The following CUX2 variants were observed in gnomAD, a reference collection of about 807,000 sequenced individuals.
The protein encoded by CUX2 is cut like homeobox 2.
CUX2 carries 40 observed loss-of-function variants against 144.8 expected under a neutral mutation model. The ratio of observed to expected loss-of-function variants is 0.28; its 90% confidence interval spans 0.21 to 0.36. The LOEUF is 0.36. Among genes scored for constraint, CUX2 ranks in the 10% least tolerant of loss-of-function variants. The pLI, the probability that CUX2 is intolerant of heterozygous loss-of-function variation, is 1.00. For synonymous variants in CUX2, 827 were observed against 875.6 expected, an observed-to-expected ratio of 0.94 and a Z score of 0.98; for missense variants, 1,615 against 1,994.0, an observed-to-expected ratio of 0.81 and a Z score of 3.62.
intron 3 of CUX2, among the ~76,000 whole-genome samples, chr12:111,261,538 A>G (rs1316005247): frequency 6.6e-6 from 1 of 152,098 alleles, no homozygotes; most frequent in African/African-American, 2.4e-5. Flanking sequence ...CCTACTGGCC[A>G]TAGCTGTGTC....
At chr12:111,187,015 G>A (rs1259352298) in intron 1 of CUX2, among the ~76,000 whole-genome samples, 1 of 152,184 alleles carries the variant, frequency 6.6e-6, no homozygotes, top group Admixed American at 6.5e-5. Context: ...CTGACCTCAA[G>A]TGATCCACCC....
chr12:111,122,456 G>A (rs1317365363), intron 1 of CUX2, among the ~76,000 whole-genome samples: 2 of 152,190 alleles, frequency 1.3e-5, no homozygotes, highest in African/African-American at 2.4e-5. Context: ...AACGGGACGG[G>A]GGAGGGGAAG....
intron 1 of CUX2, among the ~76,000 whole-genome samples, chr12:111,170,582 G>C (rs146344257): frequency 0.016 from 1,834 of 113,544 alleles, 44 homozygotes; most frequent in African/African-American, 0.06. Context: ...GAGACGGTGT[G>C]TCACTCTGTC....
intron 1 of CUX2, among the ~76,000 whole-genome samples, chr12:111,166,078 G>C (rs986413483): frequency 6.6e-6 from 1 of 152,174 alleles, no homozygotes; most frequent in Non-Finnish European, 1.5e-5. Context: ...GGGTGCAGTG[G>C]TGTGATCACG....
intron 3 of CUX2, among the ~76,000 whole-genome samples, chr12:111,235,740 G>A (rs1882707615): frequency 6.6e-6 from 1 of 152,062 alleles, no homozygotes; most frequent in Non-Finnish European, 1.5e-5. Context: ...AAAGAATGAG[G>A]TGAGCACTAA....
intron 4 of CUX2, among the ~76,000 whole-genome samples, chr12:111,273,067 A>G (rs1393709571): frequency 2.6e-5 from 4 of 152,156 alleles, no homozygotes; most frequent in Non-Finnish European, 5.9e-5. Context: ...GCTCAAGTCC[A>G]GGCCTGCCCT....
chr12:111,225,155 C>A (rs755152037), intron 3 of CUX2, among the ~76,000 whole-genome samples: 16 of 152,184 alleles, frequency 1.1e-4, no homozygotes, highest in Non-Finnish European at 2.9e-5. Context: ...ATAGTACCCA[C>A]TTCATAGGAG....
chr12:111,075,225 A>C (rs1871465274), intron 1 of CUX2, among the ~76,000 whole-genome samples: 1 of 152,182 alleles, frequency 6.6e-6, no homozygotes, highest in Non-Finnish European at 1.5e-5. Context: ...GACCGCAGCC[A>C]ACTAGGCGGG....
At position 111,295,690 on chromosome 12, in the gene CUX2, G is replaced by A. The variant is rs1885940906; in HGVS notation, c.637+281G>A. On this transcript the variant is annotated intron_variant, in intron 7 of 21. Transcript: ENST00000261726. This position sits in a 1 kb window ranked among gnomAD's most constrained non-coding sequence, Gnocchi z 5.0. ...CCTGGCACTTTGGGAGGCTGAAGTG[G>A]GAGGGTCGCTTGAACCCCAGAGTTT... Among the ~76,000 whole-genome samples the A allele has an allele frequency of 6.6e-6, 1 of 152,004 alleles. No homozygotes were observed. The highest frequency in any genetic ancestry group is 1.5e-5 in the Non-Finnish European group (1 of 68,008).
chr12:111,228,765 T>A (rs1882311211), intron 3 of CUX2, among the ~76,000 whole-genome samples: 1 of 152,050 alleles, frequency 6.6e-6, no homozygotes. Flanking sequence ...GAAAAAAAAA[T>A]TCTGTGTGTC....
At position 111,307,569 on chromosome 12, in the gene CUX2, G is replaced by A. The variant is rs554569489; in HGVS notation, c.1109+312G>A. Among the ~76,000 whole-genome samples, 7 of 152,214 alleles carry A rather than the reference G, an allele frequency of 4.6e-5. No homozygotes were observed. Among genetic ancestry groups the A allele is most frequent in the East Asian group, 3.9e-4 (2 of 5,174 alleles). On this transcript the variant is annotated intron_variant, in intron 12 of 21. Transcript: ENST00000261726. The surrounding 1 kb of genome is among the most constrained non-coding windows in gnomAD (Gnocchi z 4.1). ...AATTAGCCAGGAGTGGTGGTGATGCGTGCTGTAGTCCCAGCCACTCAGGAG... is the reference window on the plus strand; with the variant it reads ...AATTAGCCAGGAGTGGTGGTGATGCATGCTGTAGTCCCAGCCACTCAGGAG...
At chr12:111,092,424 A>G (rs1872604037) in intron 1 of CUX2, among the ~76,000 whole-genome samples, 1 of 152,164 alleles carries the variant, frequency 6.6e-6, no homozygotes, top group African/African-American at 2.4e-5. Flanking sequence ...CCAGACCCTC[A>G]ATTTTCATCT....
At chr12:111,150,313 C>A (rs919448343) in intron 1 of CUX2, among the ~76,000 whole-genome samples, 1 of 152,034 alleles carries the variant, frequency 6.6e-6, no homozygotes, top group African/African-American at 2.4e-5. Context: ...CTCCTCCCCC[C>A]AAAAAAGGGC....
Position 111,291,503 on chromosome 12 carries a change from A to G in CUX2, c.387A>G (p.Arg129=). The G allele has an allele frequency of 6.2e-7, 1 of 1,612,594 alleles. No homozygotes were observed. Reference sequence around the variant, plus strand: ...TTGACCCCAGTGGGCAGCCCCGGCGAGACCTCCACACTTCGTGGAAGAGGA... The same window carrying G: ...TTGACCCCAGTGGGCAGCCCCGGCGGGACCTCCACACTTCGTGGAAGAGGA... ...PSFDPSGQPR[R]DLHTSWKRNP... The change falls in exon 5 of 22, where the codon CGA becomes CGG. Residue 129 remains arginine (R), a synonymous_variant. Transcript: ENST00000261726.
Position 111,308,493 on chromosome 12 carries a change from C to T in CUX2, c.1225C>T (p.Leu409Phe). ...GGCCTTCTTCCCCACGCAGAAATTCCTTCTGGAGAAGCCCAGCCTCCTGGC... is the reference window on the plus strand; with the variant it reads ...GGCCTTCTTCCCCACGCAGAAATTCTTTCTGGAGAAGCCCAGCCTCCTGGC... ...KEAFFPTQKFLLEKPSLLASP... is the reference protein window; with the variant it reads ...KEAFFPTQKFFLEKPSLLASP... The change falls in exon 14 of 22, where the codon CTT becomes TTT. Residue 409 changes from leucine (L) to phenylalanine (F), a missense_variant. Physicochemically the swap from Leu to Phe is conservative, Grantham distance 22. Coordinates refer to ENST00000261726, the MANE Select transcript of CUX2 (RefSeq NM_015267.4). 1 of 1,613,968 alleles carries T rather than the reference C, an allele frequency of 6.2e-7. No individual in the cohort carries two copies. Among genetic ancestry groups the T allele is most frequent in the Non-Finnish European group, 8.5e-7 (1 of 1,179,934 alleles).
At chr12:111,130,113 G>T (rs1354872543) in intron 1 of CUX2, among the ~76,000 whole-genome samples, 1 of 152,184 alleles carries the variant, frequency 6.6e-6, no homozygotes, top group Non-Finnish European at 1.5e-5. Context: ...AGGTTCCTTT[G>T]TGGGGGGCTG....
At chr12:111,152,954 A>G (rs1877142498) in intron 1 of CUX2, among the ~76,000 whole-genome samples, 1 of 152,242 alleles carries the variant, frequency 6.6e-6, no homozygotes, top group Non-Finnish European at 1.5e-5. Context: ...GGGCTTGTAA[A>G]TGGGAGATGC....
chr12:111,069,306 C>G (rs1438753419), intron 1 of CUX2, among the ~76,000 whole-genome samples: 2 of 152,100 alleles, frequency 1.3e-5, no homozygotes, highest in African/African-American at 4.8e-5. Flanking sequence ...TCCTCTCAGC[C>G]CATGTGCTGC....
chr12:111,150,827 T>C (rs1877001393), intron 1 of CUX2, among the ~76,000 whole-genome samples: 1 of 152,148 alleles, frequency 6.6e-6, no homozygotes, highest in Non-Finnish European at 1.5e-5. Flanking sequence ...GGAGCAAGTT[T>C]CTGGACCACA....
Sources: allele counts gnomAD v4.1 joint callset (sites outside exome capture counted in the v4.1 genomes callset), GRCh38; gene constraint gnomAD v4.1.1; non-coding constraint Gnocchi (gnomAD v3.1); transcripts MANE v1.5; gene names NCBI Gene and HGNC (gene_info 2026-07-23, HGNC 2026-07-21).